The following ATG7 variants were observed in gnomAD, a reference collection of about 807,000 sequenced individuals.
ATG7 encodes autophagy related 7, also known as ubiquitin-like modifier-activating enzyme ATG7.
In ATG7, 70 loss-of-function variants were observed where a neutral mutation model predicts 82.4. That is an observed-to-expected ratio of 0.85 (90% CI 0.70 to 1.04). The LOEUF (loss-of-function observed/expected upper bound fraction) is 1.04, where lower values mean the gene tolerates loss of function less well. ATG7 is among the 50% of genes least tolerant of loss of function. The pLI, the probability that ATG7 is intolerant of heterozygous loss-of-function variation, is 0.00. For synonymous variants in ATG7, 287 were observed against 313.0 expected (o/e 0.92, Z 0.88); for missense variants, 792 against 864.3 (o/e 0.92, Z 1.05).
At chr3:11,296,332 C>T (rs1355688063) in intron 3 of ATG7, among the ~76,000 whole-genome samples, 1 of 152,218 alleles carries the variant, frequency 6.6e-6, no homozygotes, top group East Asian at 1.9e-4. Context: ...CTGCCATTCT[C>T]CTAGCCATTT....
intron 18 of ATG7, among the ~76,000 whole-genome samples, chr3:11,373,365 C>T (rs2077169158): frequency 1.3e-5 from 2 of 152,156 alleles, no homozygotes; most frequent in African/African-American, 2.4e-5. Flanking sequence ...TGCTTCCATC[C>T]GTTTTCTGAC....
chr3:11,289,351 G>A (rs1324697537), intron 3 of ATG7, among the ~76,000 whole-genome samples: 2 of 152,138 alleles, frequency 1.3e-5, no homozygotes, highest in Non-Finnish European at 2.9e-5. Flanking sequence ...CTTAAGCGCT[G>A]TAGTGATGTT....
chr3:11,362,914 G>A lies in ATG7; in HGVS notation c.1785G>A (p.Leu595=), dbSNP rs1011239700. The part of the protein sequence containing the change: ...ALAVELMVSV[L]QHPEGGYAIA... Reference sequence around the variant, plus strand: ...CCGTGGAATTGATGGTATCTGTTTTGCAGCATCCAGAAGGGTGAGTTTGCT... The same window carrying A: ...CCGTGGAATTGATGGTATCTGTTTTACAGCATCCAGAAGGGTGAGTTTGCT... Residue 595 remains leucine, a synonymous_variant, in exon 17 of 21, where the codon TTG becomes TTA. Coordinates refer to ENST00000693202, the MANE Select transcript of ATG7 (RefSeq NM_001349232.2). 3.1e-6 allele frequency: 5 copies of A among 1,613,828 alleles called. No homozygotes were observed. Among genetic ancestry groups the A allele is most frequent in the East Asian group, 2.2e-5 (1 of 44,880 alleles).
chr3:11,572,651 T>C, the ATG7 span, among the ~76,000 whole-genome samples: 1 of 152,304 alleles, frequency 6.6e-6, no homozygotes, highest in South Asian at 2.1e-4. Flanking sequence ...ATCCGTCGCA[T>C]GCTTCACACT....
chr3:11,573,304 A>AAGG, the ATG7 span, among the ~76,000 whole-genome samples: 27 of 12,058 alleles, frequency 2.2e-3, 3 homozygotes, highest in African/African-American at 2.0e-3. Context: ...AGAAAGAAAG[A>AAGG]AAGGAAGGAA....
chr3:11,564,134 C>A, the ATG7 span, among the ~76,000 whole-genome samples: 539 of 152,344 alleles, frequency 3.5e-3, 5 homozygotes, highest in Admixed American at 7.5e-3. Flanking sequence ...TAATTTTGAG[C>A]CTCCTCAATG....
Position 11,298,775 on chromosome 3 carries a change from G to C in ATG7, c.80G>C (p.Trp27Ser). The C allele has an allele frequency of 1.2e-6, 2 of 1,614,148 alleles. No homozygotes were observed. Among genetic ancestry groups the C allele is most frequent in the Non-Finnish European group, 1.7e-6 (2 of 1,180,020 alleles). ...AGTAGTGCCTTGGATGTTGGGTTTTGGCATGAGTTGACCCAGAAGAAGCTG... is the reference window on the plus strand; with the variant it reads ...AGTAGTGCCTTGGATGTTGGGTTTTCGCATGAGTTGACCCAGAAGAAGCTG... The part of the protein sequence containing the change: ...PFSSALDVGF[W>S]HELTQKKLNE... Residue 27 changes from tryptophan (W) to serine (S), a missense_variant, in exon 4 of 21, where the codon TGG becomes TCG. Trp to Ser is a radical substitution (Grantham distance 177, BLOSUM62 -3). Transcript: ENST00000693202.
chr3:11,347,926 A>T lies in ATG7; in HGVS notation c.1175A>T (p.Tyr392Phe). ...TTTGTGGACAATGCCAAGATCTCCTACTCCAATCCTGTGAGGCAGCCTCTC... is the reference window on the plus strand; with the variant it reads ...TTTGTGGACAATGCCAAGATCTCCTTCTCCAATCCTGTGAGGCAGCCTCTC... ...ITFVDNAKIS[Y>F]SNPVRQPLYE... The change falls in exon 14 of 21, where the codon TAC becomes TTC. Residue 392 changes from tyrosine to phenylalanine, a missense_variant. Transcript: ENST00000693202. 1 of 1,613,944 alleles carries T rather than the reference A, an allele frequency of 6.2e-7. No individual in the cohort carries two copies.
At chr3:11,362,984 C>A in intron 17 of ATG7, 56 bp downstream of exon 17, 1 of 1,449,038 alleles carries the variant, frequency 6.9e-7, no homozygotes, top group Non-Finnish European at 9.5e-7. Context: ...GGCAGTTGTT[C>A]ATCAGTGTCT....
rs539946500 is a variant in ATG7, at chr3:11,347,886, G to T, written c.1135G>T (p.Val379Leu). The change falls in exon 14 of 21, where the codon GTG (valine) becomes TTG (leucine). Residue 379 changes from valine to leucine, a missense_variant. By Grantham distance (32) the Val-to-Leu change is conservative. Transcript: ENST00000693202. ...NVARTLMGWGVRHITFVDNAK... is the reference protein window; with the variant it reads ...NVARTLMGWGLRHITFVDNAK... ...TCCTGTTTCCACACAGGGTTGGGGC[G>T]TGAGACACATCACATTTGTGGACAA... 3 of 1,613,886 alleles carry T rather than the reference G, an allele frequency of 1.9e-6. No individual in the cohort carries two copies. The highest frequency in any genetic ancestry group is 1.7e-5 in the Admixed American group (1 of 60,006).
chr3:11,513,590 G>A (rs1433663199), intron 20 of ATG7, among the ~76,000 whole-genome samples: 2 of 152,194 alleles, frequency 1.3e-5, no homozygotes, highest in African/African-American at 4.8e-5. Flanking sequence ...GCCCACAAGT[G>A]TGGCGTGCAG....
the ATG7 span, among the ~76,000 whole-genome samples, chr3:11,574,921 CA>C: frequency 8.6e-5 from 13 of 151,498 alleles, no homozygotes; most frequent in African/African-American, 2.9e-4. Flanking sequence ...CGCCTACATA[CA>C]AAAGGGAAGA....
chr3:11,389,674 T>C (rs1404159861), intron 19 of ATG7, among the ~76,000 whole-genome samples: 2 of 152,196 alleles, frequency 1.3e-5, no homozygotes, highest in African/African-American at 2.4e-5. Flanking sequence ...TTCTTGACAG[T>C]ACACAAGGGT....
Position 11,391,979 on chromosome 3 carries a change from T to G in ATG7, c.1956+11927T>G, listed in dbSNP as rs1576002559. Among the ~76,000 whole-genome samples the G allele has an allele frequency of 2.0e-5, 3 of 151,880 alleles. No individual in the cohort carries two copies. In the South Asian group the frequency reaches 6.3e-4, roughly 32 times the overall value. On this transcript the variant is annotated intron_variant, in intron 19 of 20. Coordinates refer to ENST00000693202, the MANE Select transcript of ATG7 (RefSeq NM_001349232.2). ...TTATTGGGGGGGGGGTAATTTCACT[T>G]TAAATTTTTAGCAGCTTCGAGGACT...
intron 3 of ATG7, among the ~76,000 whole-genome samples, chr3:11,286,966 T>C (rs570977441): frequency 1.1e-4 from 16 of 150,748 alleles, no homozygotes; most frequent in Non-Finnish European, 2.2e-4. Flanking sequence ...GGTGTTCTGC[T>C]ATGTTGCCCA....
At chr3:11,333,125 T>C in intron 11 of ATG7, 32 bp downstream of exon 11, 1 of 1,514,290 alleles carries the variant, frequency 6.6e-7, no homozygotes. Context: ...ATGCATATAA[T>C]TATCATTTAT....
chr3:11,388,933 C>T (rs971205158), intron 19 of ATG7, among the ~76,000 whole-genome samples: 1 of 151,928 alleles, frequency 6.6e-6, no homozygotes, highest in Admixed American at 6.6e-5. Context: ...ATGTATATAT[C>T]ACTACTTAGA....
At chr3:11,543,964 G>T (rs1192536705) in intron 20 of ATG7, among the ~76,000 whole-genome samples, 1 of 152,174 alleles carries the variant, frequency 6.6e-6, no homozygotes, top group Non-Finnish European at 1.5e-5. Flanking sequence ...GTCCCTACAG[G>T]GCATGAACCA....
intron 20 of ATG7, among the ~76,000 whole-genome samples, chr3:11,516,760 T>C (rs905459648): frequency 1.3e-5 from 2 of 152,160 alleles, no homozygotes; most frequent in African/African-American, 4.8e-5. Context: ...TATCAAGCCA[T>C]TAAAGACATG....
Sources: gnomAD v4.1 joint callset for allele counts (sites outside exome capture counted in the v4.1 genomes callset) on GRCh38, gnomAD v4.1.1 for gene constraint, MANE v1.5 for transcripts, NCBI Gene and HGNC (gene_info 2026-07-23, HGNC 2026-07-21) for gene names.